The following CCSER1 variants were observed in gnomAD, a reference collection of about 807,000 sequenced individuals.
CCSER1 encodes coiled-coil serine rich protein 1.
A neutral mutation model predicts 82.0 loss-of-function variants in CCSER1; 41 were observed. The ratio of observed to expected loss-of-function variants is 0.50; its 90% CI spans 0.39 to 0.65. CCSER1 has a LOEUF of 0.65. CCSER1 is among the 30% of genes least tolerant of loss of function. The pLI is 0.00. For synonymous variants in CCSER1, 414 were observed against 383.9 expected (o/e 1.08, Z -0.92); for missense variants, 1,119 against 1,064.2 (o/e 1.05, Z -0.72).
chr4:91,431,003 G>C (rs928670838), intron 10 of CCSER1, among the ~76,000 whole-genome samples: 10 of 152,176 alleles, frequency 6.6e-5, no homozygotes, highest in Non-Finnish European at 1.2e-4. Flanking sequence ...TTGGGAGGCG[G>C]AGGTGGGCGG....
intron 10 of CCSER1, among the ~76,000 whole-genome samples, chr4:91,411,249 C>G (rs953586370): frequency 6.6e-6 from 1 of 151,338 alleles, no homozygotes; most frequent in African/African-American, 2.4e-5. Context: ...CAATTACTTG[C>G]AAGAAATTAA....
chr4:91,380,971 G>C (rs1232106790), intron 10 of CCSER1, among the ~76,000 whole-genome samples: 1 of 152,106 alleles, frequency 6.6e-6, no homozygotes, highest in Non-Finnish European at 1.5e-5. Context: ...GCATTTGCTT[G>C]TCTATAAAGG....
At chr4:90,800,150 T>G (rs911990267) in intron 7 of CCSER1, among the ~76,000 whole-genome samples, 28 of 152,292 alleles carry the variant, frequency 1.8e-4, no homozygotes, top group Middle Eastern at 3.4e-3. Context: ...TTTAGGTAGA[T>G]AAATAGATAA....
intron 1 of CCSER1, among the ~76,000 whole-genome samples, chr4:90,285,806 G>A (rs906475304): frequency 6.6e-6 from 1 of 151,876 alleles, no homozygotes; most frequent in African/African-American, 2.4e-5. Flanking sequence ...TCATGTTGAG[G>A]TATGTTCCTT....
chr4:91,194,788 T>A (rs1650172194), intron 10 of CCSER1, among the ~76,000 whole-genome samples: 2 of 152,348 alleles, frequency 1.3e-5, no homozygotes, highest in African/African-American at 4.8e-5. Flanking sequence ...GGTTTCATGA[T>A]ATTTGTCAGG....
At chr4:90,850,746 T>C (rs961927134) in intron 8 of CCSER1, among the ~76,000 whole-genome samples, 1 of 152,224 alleles carries the variant, frequency 6.6e-6, no homozygotes, top group Admixed American at 6.5e-5. Context: ...ACTTGCCTTA[T>C]CTCAAATGAG....
chr4:91,231,852 A>T (rs1455319293), intron 10 of CCSER1, among the ~76,000 whole-genome samples: 3 of 151,866 alleles, frequency 2.0e-5, no homozygotes, highest in Admixed American at 6.6e-5. Flanking sequence ...GTAGGAGACC[A>T]TGATGGTACT....
chr4:90,411,773 G>T (rs1754877068), intron 4 of CCSER1, among the ~76,000 whole-genome samples: 1 of 152,120 alleles, frequency 6.6e-6, no homozygotes, highest in Non-Finnish European at 1.5e-5. Flanking sequence ...TCTGGCCAGG[G>T]CAATCAGGCA....
At chr4:90,754,110 A>G (rs1291776059) in intron 7 of CCSER1, among the ~76,000 whole-genome samples, 6 of 152,108 alleles carry the variant, frequency 3.9e-5, no homozygotes, top group Admixed American at 1.3e-4. Context: ...ATTATTTTTC[A>G]TAGCACAAAC....
chr4:90,192,361 T>C (rs914694238), intron 1 of CCSER1, among the ~76,000 whole-genome samples: 4 of 152,002 alleles, frequency 2.6e-5, no homozygotes, highest in African/African-American at 9.7e-5. Context: ...GAGATTTGGG[T>C]GGGGACACAG....
intron 10 of CCSER1, among the ~76,000 whole-genome samples, chr4:91,557,036 T>G (rs1762439074): frequency 6.6e-6 from 1 of 151,090 alleles, no homozygotes; most frequent in African/African-American, 2.4e-5. Context: ...AAAATAAATG[T>G]TTTCTGTGAC....
chr4:90,439,331 A>G (rs74619120), intron 4 of CCSER1, among the ~76,000 whole-genome samples: 1 of 152,120 alleles, frequency 6.6e-6, no homozygotes, highest in South Asian at 2.1e-4. Flanking sequence ...AACAAAAAAA[A>G]CCAGCCTTAG....
intron 10 of CCSER1, among the ~76,000 whole-genome samples, chr4:91,086,835 T>C (rs540637366): frequency 1.3e-3 from 196 of 152,196 alleles, no homozygotes; most frequent in South Asian, 2.9e-3. Flanking sequence ...GACATTTTAG[T>C]TCCTAGTGAA....
chr4:90,717,502 G>T (rs1436779276), intron 6 of CCSER1, among the ~76,000 whole-genome samples: 1 of 151,942 alleles, frequency 6.6e-6, no homozygotes, highest in Non-Finnish European at 1.5e-5. Context: ...CTCTTGTTTT[G>T]GTTTACTGCT....
chr4:90,940,094 C>T (rs1731414367), intron 9 of CCSER1, among the ~76,000 whole-genome samples: 1 of 152,058 alleles, frequency 6.6e-6, no homozygotes, highest in Non-Finnish European at 1.5e-5. Context: ...AGATCTTTTA[C>T]CAGGCTACCA....
At chr4:90,625,027 A>G (rs1235501091) in intron 5 of CCSER1, among the ~76,000 whole-genome samples, 1 of 152,178 alleles carries the variant, frequency 6.6e-6, no homozygotes, top group Admixed American at 6.5e-5. Context: ...TTAAAGGACT[A>G]TCTTTGGTGA....
intron 9 of CCSER1, among the ~76,000 whole-genome samples, chr4:91,009,939 A>G (rs193028067): frequency 6.6e-6 from 1 of 152,190 alleles, no homozygotes; most frequent in South Asian, 2.1e-4. Context: ...ATAGAGCACC[A>G]TAACAGTCTT....
chr4:91,061,552 TTCTG>T (rs1018680718), intron 9 of CCSER1, among the ~76,000 whole-genome samples: 24 of 152,152 alleles, frequency 1.6e-4, no homozygotes, highest in Admixed American at 3.3e-4. Flanking sequence ...TTTTATTTTT[TTCTG>T]TCTAACTTAA....
intron 5 of CCSER1, among the ~76,000 whole-genome samples, chr4:90,623,023 A>ATTTTTTTTT (rs35838784): frequency 8.9e-6 from 1 of 112,632 alleles, no homozygotes; most frequent in Non-Finnish European, 1.8e-5. Context: ...TGGGTAAAGG[A>ATTTTTTTTT]TTTTTTTTTT....
Sources: allele counts gnomAD v4.1 joint callset (sites outside exome capture counted in the v4.1 genomes callset), GRCh38; gene constraint gnomAD v4.1.1; transcripts MANE v1.5; gene names NCBI Gene and HGNC (gene_info 2026-07-23, HGNC 2026-07-21).